Variants in NECAB2 observed in about 807,000 individuals in gnomAD.
NECAB2 encodes N-terminal EF-hand calcium binding protein 2.
In NECAB2, 68 loss-of-function variants were observed where a neutral mutation model predicts 51.9. The observed-to-expected ratio is 1.31, with a 90% confidence interval of 1.08 to 1.60. NECAB2 has a LOEUF of 1.60. NECAB2 is among the 40% of genes most tolerant of loss of function. NECAB2 has a pLI of 0.00. For synonymous variants in NECAB2, 329 were observed against 203.5 expected, an observed-to-expected ratio of 1.62 and a Z score of -5.25; for missense variants, 854 against 490.3, an observed-to-expected ratio of 1.74 and a Z score of -7.00.
intron 2 of NECAB2, among the ~76,000 whole-genome samples, chr16:83,975,110 G>T (rs1266394929): frequency 7.0e-6 from 1 of 142,512 alleles, no homozygotes; most frequent in Non-Finnish European, 1.5e-5. Flanking sequence ...AGGGATGAGA[G>T]CAGGTGTGCA....
chr16:83,998,087 A>C, intron 9 of NECAB2, 118 bp from the exon 10 acceptor site: 2 of 870,340 alleles, frequency 2.3e-6, no homozygotes, highest in East Asian at 2.7e-5. Flanking sequence ...GTAAGAATGA[A>C]AAGTGGGGGA....
chr16:83,990,449 C>G (rs374996937), intron 5 of NECAB2, 45 bp from the exon 6 acceptor site: 2 of 1,604,190 alleles, frequency 1.2e-6, no homozygotes, highest in African/African-American at 1.3e-5. Context: ...CTCCAATTTC[C>G]CTCCCACCCC....
chr16:83,975,695 C>T (rs1164781993), intron 2 of NECAB2, among the ~76,000 whole-genome samples: 1 of 152,092 alleles, frequency 6.6e-6, no homozygotes, highest in African/African-American at 2.4e-5. Context: ...CAGGGGGTGG[C>T]AGAGGGCTGA....
chr16:83,998,066 T>C (rs939301492), intron 9 of NECAB2, 139 bp from the exon 10 acceptor site: 3 of 728,552 alleles, frequency 4.1e-6, no homozygotes, highest in African/African-American at 3.5e-5. Flanking sequence ...TCCATTCTTA[T>C]CCATTCATGG....
At chr16:83,997,182 G>C in intron 8 of NECAB2, 34 bp from the exon 9 acceptor site, 1 of 1,613,904 alleles carries the variant, frequency 6.2e-7, no homozygotes. Context: ...GTGGGGCTCT[G>C]GGTCTAGCAT....
chr16:83,981,569 T>C (rs2084490443), intron 5 of NECAB2, among the ~76,000 whole-genome samples: 2 of 152,046 alleles, frequency 1.3e-5, no homozygotes, highest in East Asian at 1.9e-4. Flanking sequence ...ACAGCAACCC[T>C]ATGGGTGGTT....
At position 83,997,159 on chromosome 16, in the gene NECAB2, T is replaced by C. The variant is rs138308158; in HGVS notation, c.796-57T>C. On this transcript the variant is annotated intron_variant, in intron 8 of 12. Coordinates refer to ENST00000305202, the MANE Select transcript of NECAB2 (RefSeq NM_019065.3). ...CCCCAGGGATCCCAGAGCTCCTGGCTCCCCGGGGCGGAGTGGGGCTCTGGG... is the reference window on the plus strand; with the variant it reads ...CCCCAGGGATCCCAGAGCTCCTGGCCCCCCGGGGCGGAGTGGGGCTCTGGG... 1,650 of 1,609,952 alleles carry C rather than the reference T, an allele frequency of 1.0e-3. 19 individuals are homozygous for C. In the African/African-American group the frequency reaches 0.02, roughly 19 times the overall value.
At chr16:83,968,061 C>G (rs187323346), upstream of NECAB2, among the ~76,000 whole-genome samples, 1 of 151,698 alleles carries the variant, frequency 6.6e-6, no homozygotes, top group Non-Finnish European at 1.5e-5. Flanking sequence ...GAAAGATGTT[C>G]TGGGGTGAAG....
chr16:83,976,371 A>G (rs2084410705), intron 2 of NECAB2, among the ~76,000 whole-genome samples: 1 of 152,200 alleles, frequency 6.6e-6, no homozygotes, highest in African/African-American at 2.4e-5. Context: ...CCTCTCTAAC[A>G]TGGAAGTGGT....
In NECAB2 at chr16:83,994,308, C is replaced by T. The variant is rs149203957; in HGVS notation, c.603C>T (p.Asn201=). Residue 201 remains asparagine (N), a synonymous_variant, in exon 7 of 13, where the codon AAC becomes AAT. Transcript: ENST00000305202. ...GTTCCCATCCAAACTGCAGACAGAA[C>T]CACATCAAACCCAGCCACAGCGCGG... ...IEEQTSQLRQ[N]HIKPSHSAAQ... is the part of the protein sequence containing the mutation. 8.9e-5 allele frequency: 144 copies of T among 1,614,102 alleles called. No individual in the cohort carries two copies. The highest frequency in any genetic ancestry group is 1.2e-4 in the Non-Finnish European group (142 of 1,180,036).
At position 83,994,612 on chromosome 16, in the gene NECAB2, C is replaced by G; in HGVS notation, c.719C>G (p.Thr240Arg). 6.2e-7 allele frequency: 1 copy of G among 1,614,080 alleles called. No homozygotes were observed. The highest frequency in any genetic ancestry group is 1.1e-5 in the South Asian group (1 of 91,072). ...TGTGTCTCTTTCTCTACCGCAGCCA[C>G]GGAGGATGCAAAGGAAGAGGGTCTG... The part of the protein sequence containing the change: ...MEQGKTLPSA[T>R]EDAKEEGLEA... Residue 240 changes from threonine (T) to arginine (R), a missense_variant, in exon 8 of 13, where the codon ACG becomes AGG. By Grantham distance (71) the Thr-to-Arg change is moderately conservative (BLOSUM62 -1). Coordinates refer to ENST00000305202, the MANE Select transcript of NECAB2 (RefSeq NM_019065.3).
intron 6 of NECAB2, chr16:83,993,620 CTG>C (rs57610964): frequency 0.3 from 40,445 of 134,966 alleles, 6,508 homozygotes; most frequent in Admixed American, 0.42. Flanking sequence ...GCAAGGTGAG[CTG>C]TGTGTGTGTG....
intron 10 of NECAB2, among the ~76,000 whole-genome samples, chr16:84,000,038 C>T (rs1003962771): frequency 1.1e-3 from 166 of 149,688 alleles, no homozygotes; most frequent in African/African-American, 3.8e-3. Flanking sequence ...AGGGATGTGC[C>T]ACCAGGCCCA....
Position 84,002,342 on chromosome 16 carries a change from A to C in NECAB2, c.1157A>C (p.Asp386Ala), listed in dbSNP as rs750980412. 2 of 1,613,942 alleles carry C rather than the reference A, an allele frequency of 1.2e-6. No homozygotes were observed. Among genetic ancestry groups the C allele is most frequent in the Non-Finnish European group, 8.5e-7 (1 of 1,179,932 alleles). The change falls in exon 13 of 13, where the codon GAC becomes GCC. Residue 386 changes from aspartate to alanine, a missense_variant. Physicochemically the swap from Asp to Ala is moderately radical, Grantham distance 126 (BLOSUM62 -2). Transcript: ENST00000305202. Reference sequence around the variant, plus strand: ...GCTGCTTGGTGCACGGTGGGACGGGACTGACAGCCTCCCAGAGGCCCGTGG... The same window carrying C: ...GCTGCTTGGTGCACGGTGGGACGGGCCTGACAGCCTCCCAGAGGCCCGTGG... ...VPAAWCTVGRD is the reference protein window; with the variant it reads ...VPAAWCTVGRA
At chr16:83,977,435 C>A (rs2084426014) in intron 2 of NECAB2, among the ~76,000 whole-genome samples, 1 of 152,128 alleles carries the variant, frequency 6.6e-6, no homozygotes. Flanking sequence ...CTTAAGCCAC[C>A]TCCCCTGGTG....
At chr16:83,997,941 T>G (rs191025607) in intron 9 of NECAB2, among the ~76,000 whole-genome samples, 19 of 152,286 alleles carry the variant, frequency 1.2e-4, no homozygotes, top group Admixed American at 2.6e-4. Context: ...GCTGTGCAGG[T>G]GGTTGTGGAC....
In NECAB2 at chr16:84,002,308, C is replaced by A; in HGVS notation, c.1133-10C>A. On this transcript the variant is annotated splice_polypyrimidine_tract_variant and intron_variant, in intron 12 of 12. Coordinates refer to ENST00000305202, the MANE Select transcript of NECAB2 (RefSeq NM_019065.3). Reference sequence around the variant, plus strand: ...CACTCCTTCCCTCTAACGTGTCTCTCTCCTTTTAGCTGCTTGGTGCACGGT... The same window carrying A: ...CACTCCTTCCCTCTAACGTGTCTCTATCCTTTTAGCTGCTTGGTGCACGGT... The A allele has an allele frequency of 6.2e-7, 1 of 1,613,914 alleles. No individual in the cohort carries two copies. Among genetic ancestry groups the A allele is most frequent in the East Asian group, 2.2e-5 (1 of 44,854 alleles).
At chr16:83,982,639 T>C (rs2084502943) in intron 5 of NECAB2, among the ~76,000 whole-genome samples, 3 of 152,172 alleles carry the variant, frequency 2.0e-5, no homozygotes, top group African/African-American at 7.2e-5. Flanking sequence ...GAGGCATTCG[T>C]AACATCCATG....
At chr16:83,967,850 GTGGA>G (rs1237656390), upstream of NECAB2, among the ~76,000 whole-genome samples, 1 of 149,246 alleles carries the variant, frequency 6.7e-6, no homozygotes, top group African/African-American at 2.5e-5. Flanking sequence ...TGCTGGGTGG[GTGGA>G]TGGATGGATG....
Sources: allele counts gnomAD v4.1 joint callset (sites outside exome capture counted in the v4.1 genomes callset), GRCh38; gene constraint gnomAD v4.1.1; transcripts MANE v1.5; gene names NCBI Gene and HGNC (gene_info 2026-07-23, HGNC 2026-07-21).